SMC6: variants seen among roughly 807,000 people sequenced by gnomAD.
The protein encoded by SMC6 is structural maintenance of chromosomes protein 6.
SMC6 carries 79 observed loss-of-function variants against 142.2 expected under a neutral mutation model. The observed-to-expected ratio is 0.56, with a 90% CI of 0.46 to 0.67. SMC6 has a LOEUF of 0.67. Ranked by LOEUF, SMC6 falls within the 30% of genes least tolerant of loss-of-function variation. The pLI, the probability that SMC6 is intolerant of heterozygous loss-of-function variation, is 0.00. For synonymous variants in SMC6, 411 were observed against 412.4 expected, an observed-to-expected ratio of 1.00 and a Z score of 0.04; for missense variants, 1,072 against 1,284.0, an observed-to-expected ratio of 0.83 and a Z score of 2.52.
At chr2:17,699,766 G>A (rs946657143) in intron 21 of SMC6, among the ~76,000 whole-genome samples, 3 of 152,086 alleles carry the variant, frequency 2.0e-5, no homozygotes, top group Non-Finnish European at 2.9e-5. Flanking sequence ...AAAGTCAATT[G>A]AATTCAGCCT....
intron 11 of SMC6, among the ~76,000 whole-genome samples, chr2:17,720,212 AAG>A (rs1358910349): frequency 3.9e-4 from 60 of 152,316 alleles, no homozygotes; most frequent in African/African-American, 1.4e-3. Context: ...TCAAAACAGA[AAG>A]AGTGAGTATA....
intron 27 of SMC6, 45 bp from the exon 28 acceptor site, chr2:17,665,658 T>C (rs754294932): frequency 7.8e-7 from 1 of 1,286,000 alleles, no homozygotes; most frequent in South Asian, 1.4e-5. Flanking sequence ...AGAAACCTTT[T>C]ACCAATTAAA....
At chr2:17,699,911 C>A (rs960005588) in intron 21 of SMC6, among the ~76,000 whole-genome samples, 1 of 151,440 alleles carries the variant, frequency 6.6e-6, no homozygotes, top group Non-Finnish European at 1.5e-5. Flanking sequence ...TGTACACGTA[C>A]GAGACGTCTC....
At chr2:17,753,349 G>GGCCGCCTGGGAGGGGACA in intron 1 of SMC6, among the ~76,000 whole-genome samples, 1 of 152,226 alleles carries the variant, frequency 6.6e-6, no homozygotes, top group African/African-American at 2.4e-5. Context: ...GGGAGGGGAC[G>GGCCGCCTGGGAGGGGACA]GCCGCCTGGG....
At chr2:17,700,029 G>A (rs1668193799) in intron 21 of SMC6, among the ~76,000 whole-genome samples, 179 bp downstream of exon 21, 1 of 151,834 alleles carries the variant, frequency 6.6e-6, no homozygotes, top group South Asian at 2.1e-4. Context: ...GCCATGAACA[G>A]AAGTGTTTAA....
chr2:17,679,057 G>T, intron 24 of SMC6, 93 bp from the exon 25 acceptor site: 1 of 748,326 alleles, frequency 1.3e-6, no homozygotes, highest in Non-Finnish European at 2.1e-6. Context: ...AAAACCAGAT[G>T]GAAATATGCC....
At chr2:17,710,467 T>C (rs1268494666) in intron 16 of SMC6, among the ~76,000 whole-genome samples, 2 of 152,126 alleles carry the variant, frequency 1.3e-5, no homozygotes, top group Non-Finnish European at 2.9e-5. Context: ...CAGTCATCAA[T>C]GTATGATCTG....
chr2:17,710,747 T>C (rs1372401874), intron 16 of SMC6, among the ~76,000 whole-genome samples: 8 of 152,204 alleles, frequency 5.3e-5, no homozygotes, highest in Non-Finnish European at 1.2e-4. Context: ...GAAGTGAGGC[T>C]TGCTGATGCC....
At chr2:17,720,718 C>G (rs1400465240) in intron 11 of SMC6, among the ~76,000 whole-genome samples, 1 of 152,104 alleles carries the variant, frequency 6.6e-6, no homozygotes, top group African/African-American at 2.4e-5. Context: ...TTCTAGAGCC[C>G]TAGCCTCTGA....
intron 11 of SMC6, among the ~76,000 whole-genome samples, chr2:17,719,462 T>TA: frequency 6.6e-6 from 1 of 152,180 alleles, no homozygotes; most frequent in Non-Finnish European, 1.5e-5. Context: ...AATTACAACA[T>TA]AGAGTATGCA....
At chr2:17,734,553 C>G (rs545657138) in intron 5 of SMC6, among the ~76,000 whole-genome samples, 1 of 151,412 alleles carries the variant, frequency 6.6e-6, no homozygotes, top group Admixed American at 6.6e-5. Flanking sequence ...GTTACAGTAC[C>G]TCATGAAAAC....
At position 17,707,571 on chromosome 2, in the gene SMC6, TAA is replaced by T. The variant is rs903892124; in HGVS notation, c.1846-194_1846-193del. 4.7e-3 allele frequency among the ~76,000 whole-genome samples: 716 copies of T among 152,234 alleles called. 8 individuals are homozygous for T. Among genetic ancestry groups the T allele is most frequent in the African/African-American group, 0.016 (672 of 41,570 alleles). On this transcript the variant is annotated intron_variant, in intron 17 of 27. Coordinates refer to ENST00000448223, the MANE Select transcript of SMC6 (RefSeq NM_001142286.2). The stretch of plus-strand genomic sequence containing the variant: ...CAAGGTTAGAAGAATGAAAACTATT[TAA>T]AAAGTCTTAAAACAGTTTAGTAAAC...
At chr2:17,723,202 A>G (rs1324041683) in intron 9 of SMC6, among the ~76,000 whole-genome samples, 1 of 152,082 alleles carries the variant, frequency 6.6e-6, no homozygotes, top group African/African-American at 2.4e-5. Flanking sequence ...CTCTCTTACT[A>G]CTACCAATAT....
At chr2:17,672,103 A>C (rs1423071482) in intron 25 of SMC6, among the ~76,000 whole-genome samples, 1 of 152,134 alleles carries the variant, frequency 6.6e-6, no homozygotes, top group Non-Finnish European at 1.5e-5. Context: ...CCAACAATCA[A>C]GCAAATAAAA....
chr2:17,686,883 T>C (rs1303884739), intron 23 of SMC6, among the ~76,000 whole-genome samples: 3 of 152,182 alleles, frequency 2.0e-5, no homozygotes, highest in South Asian at 2.1e-4. Context: ...ATTCAATGTA[T>C]ACAAACTTTG....
intron 21 of SMC6, among the ~76,000 whole-genome samples, chr2:17,699,959 GA>G (rs567872669): frequency 8.9e-5 from 13 of 146,060 alleles, no homozygotes; most frequent in Non-Finnish European, 1.1e-4. Flanking sequence ...ATAAAAAGGT[GA>G]AAAAAAAAAG....
At chr2:17,673,517 A>G (rs1218267704) in intron 25 of SMC6, among the ~76,000 whole-genome samples, 1 of 151,898 alleles carries the variant, frequency 6.6e-6, no homozygotes, top group Admixed American at 6.6e-5. Flanking sequence ...TTGTATATAA[A>G]GTTAGGGGGT....
At chr2:17,680,211 C>T (rs1218216206) in intron 24 of SMC6, 1 of 152,056 alleles carries the variant, frequency 6.6e-6, no homozygotes, top group African/African-American at 2.4e-5. Context: ...ACTGGGTAAA[C>T]AATATGAAAT....
In SMC6 at chr2:17,701,811, T is replaced by C. The variant is rs765901557; in HGVS notation, c.2223+18A>G. 6.8e-7 allele frequency: 1 copy of C among 1,468,398 alleles called. No individual in the cohort carries two copies. The highest frequency in any genetic ancestry group is 1.3e-5 in the South Asian group (1 of 79,658). 91.0% of individuals were successfully genotyped at this position (1,468,398 alleles called of 1,614,324 possible). On this transcript the variant is annotated intron_variant, in intron 20 of 27. Transcript: ENST00000448223. The stretch of plus-strand genomic sequence containing the variant: ...TTACCCTTTAATATTACATTTAAAT[T>C]GAAAAAAAGTATTTTACCAAAGTTG...
Sources: gnomAD v4.1 joint callset for allele counts (sites outside exome capture counted in the v4.1 genomes callset) on GRCh38, gnomAD v4.1.1 for gene constraint, MANE v1.5 for transcripts, NCBI Gene and HGNC (gene_info 2026-07-23, HGNC 2026-07-21) for gene names.